Variants in GRHL2 observed in about 807,000 individuals in gnomAD.
GRHL2 encodes grainyhead-like protein 2 homolog.
In GRHL2, 21 loss-of-function variants were observed where a neutral mutation model predicts 83.8. That is an observed-to-expected ratio of 0.25 (90% CI 0.18 to 0.36). The LOEUF (loss-of-function observed/expected upper bound fraction) is 0.36. GRHL2 is among the 10% of genes least tolerant of loss of function. GRHL2 has a pLI of 1.00. For missense variants in GRHL2, 623 were observed against 781.8 expected (o/e 0.80, Z 2.42); for synonymous variants, 280 against 278.9 (o/e 1.00, Z -0.04).
intron 1 of GRHL2, among the ~76,000 whole-genome samples, chr8:101,512,675 A>G (rs1810489521): frequency 6.6e-6 from 1 of 152,290 alleles, no homozygotes; most frequent in African/African-American, 2.4e-5. Context: ...GGGTTTCACC[A>G]TGTTGGCCAG....
intron 7 of GRHL2, among the ~76,000 whole-genome samples, chr8:101,580,520 GC>G (rs1164501987): frequency 7.3e-6 from 1 of 137,578 alleles, no homozygotes; most frequent in Non-Finnish European, 1.6e-5. Flanking sequence ...CTCCCAAAGT[GC>G]TGGGATTACA....
At chr8:101,496,966 G>T (rs1025872495) in intron 1 of GRHL2, among the ~76,000 whole-genome samples, 1 of 152,080 alleles carries the variant, frequency 6.6e-6, no homozygotes, top group Admixed American at 6.6e-5. Flanking sequence ...TTAATAATCT[G>T]GACAGTTGCA....
At chr8:101,674,293 A>C (rs530375772), downstream of GRHL2, among the ~76,000 whole-genome samples, 3 of 152,298 alleles carry the variant, frequency 2.0e-5, no homozygotes, top group Middle Eastern at 0.01. Context: ...AAGATCAACA[A>C]TATCGATAGA....
At chr8:101,551,747 G>A (rs990668524) in intron 2 of GRHL2, among the ~76,000 whole-genome samples, 1 of 149,292 alleles carries the variant, frequency 6.7e-6, no homozygotes, top group African/African-American at 2.5e-5. Context: ...TGCAGTAGAC[G>A]ATTAGATGAT....
At chr8:101,638,140 ATCTT>A (rs1334062380) in intron 12 of GRHL2, among the ~76,000 whole-genome samples, 2 of 152,218 alleles carry the variant, frequency 1.3e-5, no homozygotes, top group African/African-American at 4.8e-5. Context: ...TGTCACTAAA[ATCTT>A]TAGATGTTTT....
intron 1 of GRHL2, among the ~76,000 whole-genome samples, chr8:101,495,453 A>T (rs1029968223): frequency 6.6e-6 from 1 of 152,164 alleles, no homozygotes; most frequent in African/African-American, 2.4e-5. Context: ...TATTTTTAGG[A>T]CATTTTGTCT....
At chr8:101,597,131 G>T (rs952486845) in intron 7 of GRHL2, among the ~76,000 whole-genome samples, 32 of 152,158 alleles carry the variant, frequency 2.1e-4, no homozygotes, top group African/African-American at 7.7e-4. Context: ...GGCTGCACTG[G>T]CTGATCCATC....
At chr8:101,559,772 AC>A (rs760265265) in intron 4 of GRHL2, among the ~76,000 whole-genome samples, 6 of 152,188 alleles carry the variant, frequency 3.9e-5, no homozygotes, top group Non-Finnish European at 7.3e-5. Flanking sequence ...TGTGAAACCA[AC>A]ATCAGAATCT....
At chr8:101,562,145 A>G in intron 4 of GRHL2, 1 of 641,402 alleles carries the variant, frequency 1.6e-6, no homozygotes, top group Non-Finnish European at 2.9e-6. Context: ...GTAGCTCTTT[A>G]TTTTTCTTCG....
At chr8:101,593,794 G>A (rs1301472958) in intron 7 of GRHL2, among the ~76,000 whole-genome samples, 4 of 151,934 alleles carry the variant, frequency 2.6e-5, no homozygotes, top group Non-Finnish European at 4.4e-5. Context: ...GGCTGGGCAT[G>A]GTGGCTCACA....
chr8:101,634,718 G>A (rs866073613), intron 11 of GRHL2, among the ~76,000 whole-genome samples: 2 of 152,174 alleles, frequency 1.3e-5, no homozygotes, highest in Admixed American at 6.5e-5. Context: ...TGAAGCTATG[G>A]GGCAGCAGTC....
intron 3 of GRHL2, among the ~76,000 whole-genome samples, chr8:101,554,053 A>G (rs1325783629): frequency 1.3e-5 from 2 of 152,232 alleles, no homozygotes; most frequent in African/African-American, 2.4e-5. Flanking sequence ...CTACTAGCAC[A>G]TGTGTCAGAA....
intron 8 of GRHL2, among the ~76,000 whole-genome samples, chr8:101,613,258 C>T (rs1399589028): frequency 6.6e-6 from 1 of 150,666 alleles, no homozygotes; most frequent in Admixed American, 6.6e-5. Context: ...TGCGTGTATA[C>T]ATACATAACC....
rs1814113308 is a variant in GRHL2 at position 101,668,019 on chromosome 8, G to T, written c.*1316G>T. On this transcript the variant is annotated 3_prime_UTR_variant, in exon 16 of 16. Coordinates refer to ENST00000646743, the MANE Select transcript of GRHL2 (RefSeq NM_024915.4). The stretch of plus-strand genomic sequence containing the variant: ...CTCACTCCTGGATGCTGCGTTTTAA[G>T]GAAGTGAGTGAGAAAGAATGTGCCA... 1 of 152,540 alleles carries T rather than the reference G, an allele frequency of 6.6e-6. No individual in the cohort carries two copies. Among genetic ancestry groups the T allele is most frequent in the South Asian group, 2.1e-4 (1 of 4,832 alleles). 9.4% of individuals were successfully genotyped at this position (152,540 alleles called of 1,614,324 possible).
intron 1 of GRHL2, chr8:101,528,839 C>T (rs1440250771): frequency 8.5e-6 from 3 of 351,462 alleles, no homozygotes; most frequent in Admixed American, 6.9e-5. Context: ...AATCTTTGAG[C>T]TCTTTCCTTT....
chr8:101,677,227 A>AATAAT, the GRHL2 span, among the ~76,000 whole-genome samples: 611 of 128,210 alleles, frequency 4.8e-3, 6 homozygotes, highest in East Asian at 0.06. Flanking sequence ...ATAATAATAA[A>AATAAT]AATAAAGAAA....
intron 9 of GRHL2, among the ~76,000 whole-genome samples, chr8:101,629,266 T>C (rs1813137199): frequency 6.6e-6 from 1 of 151,996 alleles, no homozygotes; most frequent in Non-Finnish European, 1.5e-5. Context: ...GACCATCTAT[T>C]AGCAAAAAGA....
chr8:101,581,741 G>A lies in GRHL2; in HGVS notation c.1003+4222G>A, dbSNP rs540022824. Among the ~76,000 whole-genome samples, 22 of 152,278 alleles carry A rather than the reference G, an allele frequency of 1.4e-4. No homozygotes were observed. The South Asian group carries it at 3.1e-3, about 22-fold the overall frequency. On this transcript the variant is annotated intron_variant, in intron 7 of 15. Transcript: ENST00000646743. ...ACAAATGTAATTAAGGCAGAGCCCT[G>A]TACTCAAACTGCTCAAGACTAGGGG... is the stretch of plus-strand genomic sequence containing the variant.
chr8:101,605,359 C>G (rs1812612584), intron 8 of GRHL2, among the ~76,000 whole-genome samples: 1 of 152,164 alleles, frequency 6.6e-6, no homozygotes, highest in Admixed American at 6.5e-5. Flanking sequence ...ACCCAGGGCC[C>G]TATGAGTCCA....
Sources: allele counts gnomAD v4.1 joint callset (sites outside exome capture counted in the v4.1 genomes callset), GRCh38; gene constraint gnomAD v4.1.1; transcripts MANE v1.5; gene names NCBI Gene and HGNC (gene_info 2026-07-23, HGNC 2026-07-21).